The following GREM2 variants were observed in gnomAD, a reference collection of about 807,000 sequenced individuals.
The protein encoded by GREM2 is gremlin-2.
In GREM2, 11 loss-of-function variants were observed where a neutral mutation model predicts 14.2. That is an observed-to-expected ratio of 0.78 (90% CI 0.49 to 1.28). The LOEUF (loss-of-function observed/expected upper bound fraction) is 1.28, where lower values mean the gene tolerates loss of function less well. GREM2 is among the 50% of genes most tolerant of loss of function. GREM2 has a pLI of 0.00. For missense variants in GREM2, 210 were observed against 218.5 expected, an observed-to-expected ratio of 0.96 and a Z score of 0.24; for synonymous variants, 98 against 97.6, an observed-to-expected ratio of 1.00 and a Z score of -0.02.
chr1:240,604,997 A>G (rs1052822097), intron 1 of GREM2, among the ~76,000 whole-genome samples: 3 of 152,134 alleles, frequency 2.0e-5, no homozygotes, highest in Non-Finnish European at 4.4e-5. Flanking sequence ...CTTTCTCAGC[A>G]TTCCACAAGT....
intron 1 of GREM2, among the ~76,000 whole-genome samples, chr1:240,594,482 T>C (rs1225101913): frequency 1.3e-5 from 2 of 152,182 alleles, no homozygotes; most frequent in East Asian, 3.9e-4. Context: ...ACAGGAAAAC[T>C]GGACTGAGAA....
intron 1 of GREM2, among the ~76,000 whole-genome samples, chr1:240,609,160 T>C (rs1224391453): frequency 6.6e-6 from 1 of 152,166 alleles, no homozygotes. Context: ...AGCATGTCAA[T>C]CTTTATATCA....
At chr1:240,521,502 C>G (rs190855819) in intron 1 of GREM2, among the ~76,000 whole-genome samples, 3 of 151,704 alleles carry the variant, frequency 2.0e-5, no homozygotes, top group South Asian at 4.2e-4. Context: ...ACCCGGGAGG[C>G]GGAGCTTACA....
chr1:240,495,947 G>GTTTTTGT (rs776078280), intron 1 of GREM2, among the ~76,000 whole-genome samples: 80 of 145,742 alleles, frequency 5.5e-4, no homozygotes, highest in Non-Finnish European at 9.6e-4. Flanking sequence ...TTTTGTTTTT[G>GTTTTTGT]TTTTTTTTTT....
chr1:240,594,515 G>A (rs1679784741), intron 1 of GREM2, among the ~76,000 whole-genome samples: 1 of 152,138 alleles, frequency 6.6e-6, no homozygotes, highest in Admixed American at 6.6e-5. Flanking sequence ...GGAGTAGTGG[G>A]ATAACCTTAC....
intron 1 of GREM2, among the ~76,000 whole-genome samples, chr1:240,592,274 T>C (rs761553450): frequency 6.6e-6 from 1 of 152,246 alleles, no homozygotes; most frequent in Non-Finnish European, 1.5e-5. Flanking sequence ...ATTTGTAAGA[T>C]AAGTTTATAT....
chr1:240,595,938 G>GA lies in GREM2; in HGVS notation c.-2+15945dup, dbSNP rs561075010. Among the ~76,000 whole-genome samples the GA allele has an allele frequency of 2.8e-4, 42 of 152,288 alleles. No homozygotes were observed. The South Asian group carries it at 8.3e-3, about 30-fold the overall frequency. On this transcript the variant is annotated intron_variant, in intron 1 of 1. Coordinates refer to ENST00000318160, the MANE Select transcript of GREM2 (RefSeq NM_022469.4). ...GTGACTTGATGATCTGGTTTCTGGA[G>GA]AACGAGGATAACAATGCAATTGTCA...
At chr1:240,535,620 G>A (rs1219595066) in intron 1 of GREM2, among the ~76,000 whole-genome samples, 1 of 151,976 alleles carries the variant, frequency 6.6e-6, no homozygotes, top group Non-Finnish European at 1.5e-5. Context: ...GCCAACTGGT[G>A]AAACCCTGTC....
At chr1:240,606,255 A>C (rs1478227318) in intron 1 of GREM2, among the ~76,000 whole-genome samples, 1 of 152,232 alleles carries the variant, frequency 6.6e-6, no homozygotes, top group Admixed American at 6.5e-5. Context: ...CTCTGCCCTC[A>C]GGGGAGCTTG....
At chr1:240,509,360 ATTTTTTTTTTTT>A (rs564246660) in intron 1 of GREM2, among the ~76,000 whole-genome samples, 1 of 112,040 alleles carries the variant, frequency 8.9e-6, no homozygotes, top group African/African-American at 3.3e-5. Flanking sequence ...AGCTCATTTG[ATTTTTTTTTTTT>A]TTTTTTTTTT....
chr1:240,598,989 T>C (rs1189017624), intron 1 of GREM2, among the ~76,000 whole-genome samples: 2 of 151,816 alleles, frequency 1.3e-5, no homozygotes, highest in East Asian at 1.9e-4. Context: ...GAGTAAGTGG[T>C]CGGGTGTGGT....
At chr1:240,564,730 G>A (rs1679142706) in intron 1 of GREM2, among the ~76,000 whole-genome samples, 1 of 152,088 alleles carries the variant, frequency 6.6e-6, no homozygotes, top group African/African-American at 2.4e-5. Context: ...GCAAAGGCAA[G>A]GTATATTAAC....
chr1:240,493,552 T>C lies in GREM2; in HGVS notation c.-1-76A>G, dbSNP rs75027152. Reference sequence around the variant, plus strand: ...GATCAATCTTACTTATTTTTTTTTTTATTTTAGACATGGTCTGGCTCTGTT... The same window carrying C: ...GATCAATCTTACTTATTTTTTTTTTCATTTTAGACATGGTCTGGCTCTGTT... On this transcript the variant is annotated intron_variant, in intron 1 of 1. Coordinates refer to ENST00000318160, the MANE Select transcript of GREM2 (RefSeq NM_022469.4). 3.5e-6 allele frequency: 5 copies of C among 1,414,958 alleles called. No homozygotes were observed. The Admixed American group carries it at 1.4e-4, about 40-fold the overall frequency. 87.7% of individuals were successfully genotyped at this position (1,414,958 alleles called of 1,614,324 possible). A position where few individuals can be genotyped will look rare whatever the true frequency, so the allele number is the denominator to read the frequency against.
chr1:240,585,781 G>A (rs999272301), intron 1 of GREM2, among the ~76,000 whole-genome samples: 1 of 150,468 alleles, frequency 6.6e-6, no homozygotes, highest in Non-Finnish European at 1.5e-5. Context: ...CAACCAGGTG[G>A]AGGGCCCCTC....
rs535337439 is a variant in GREM2 at position 240,603,082 on chromosome 1, C to CAA, written c.-2+8800_-2+8801dup. On this transcript the variant is annotated intron_variant, in intron 1 of 1. Transcript: ENST00000318160. ...AGCTGCGACAGAGCGAGACTCGTCT[C>CAA]AAAAAAAAATAAAATAGAGAGAATT... is the stretch of plus-strand genomic sequence containing the variant. 3.2e-3 allele frequency among the ~76,000 whole-genome samples: 482 copies of CAA among 150,116 alleles called. 3 individuals carry two copies. Among genetic ancestry groups the CAA allele is most frequent in the African/African-American group, 0.011 (467 of 40,916 alleles).
chr1:240,521,787 A>G (rs752940804), intron 1 of GREM2, among the ~76,000 whole-genome samples: 2 of 152,028 alleles, frequency 1.3e-5, no homozygotes, highest in African/African-American at 2.4e-5. Flanking sequence ...CACATATGTG[A>G]TGTATTTTTT....
intron 1 of GREM2, among the ~76,000 whole-genome samples, chr1:240,577,534 A>G (rs1228785236): frequency 6.6e-6 from 1 of 152,242 alleles, no homozygotes; most frequent in African/African-American, 2.4e-5. Flanking sequence ...AGAGTGATTG[A>G]TGACGGGAGG....
At chr1:240,537,881 T>C (rs955057910) in intron 1 of GREM2, among the ~76,000 whole-genome samples, 2 of 152,218 alleles carry the variant, frequency 1.3e-5, no homozygotes, top group African/African-American at 4.8e-5. Flanking sequence ...TAATCATACA[T>C]ACCATGCAAA....
chr1:240,609,162 T>A (rs1358895308), intron 1 of GREM2, among the ~76,000 whole-genome samples: 1 of 152,162 alleles, frequency 6.6e-6, no homozygotes, highest in Non-Finnish European at 1.5e-5. Context: ...CATGTCAATC[T>A]TTATATCATG....
Sources: allele counts gnomAD v4.1 joint callset (sites outside exome capture counted in the v4.1 genomes callset), GRCh38; gene constraint gnomAD v4.1.1; transcripts MANE v1.5; gene names NCBI Gene and HGNC (gene_info 2026-07-23, HGNC 2026-07-21).